The following SOBP variants were observed in gnomAD, a reference collection of about 807,000 sequenced individuals.
SOBP encodes sine oculis-binding protein homolog.
SOBP carries 4 observed loss-of-function variants against 53.6 expected under a neutral mutation model. That is an observed-to-expected ratio of 0.07 (90% CI 0.04 to 0.17). The LOEUF (loss-of-function observed/expected upper bound fraction) is 0.17. Among genes scored for constraint, SOBP ranks in the 10% least tolerant of loss-of-function variants. The pLI is 1.00. For synonymous variants in SOBP, 584 were observed against 522.6 expected (o/e 1.12, Z -1.60); for missense variants, 1,088 against 1,204.7 (o/e 0.90, Z 1.43).
intron 5 of SOBP, among the ~76,000 whole-genome samples, chr6:107,630,663 A>G (rs1438489347): frequency 6.6e-6 from 1 of 152,150 alleles, no homozygotes; most frequent in Non-Finnish European, 1.5e-5. Flanking sequence ...TTGCTTCACC[A>G]GAAAGATTGC....
At chr6:107,507,448 G>A (rs1354852277) in intron 3 of SOBP, among the ~76,000 whole-genome samples, 1 of 151,920 alleles carries the variant, frequency 6.6e-6, no homozygotes, top group Non-Finnish European at 1.5e-5. Context: ...TGGGATTACA[G>A]CTGCTCACCA....
intron 4 of SOBP, among the ~76,000 whole-genome samples, chr6:107,536,646 A>G (rs770083735): frequency 5.9e-5 from 9 of 152,152 alleles, no homozygotes; most frequent in South Asian, 2.1e-4. Flanking sequence ...TAACCTATAT[A>G]GTATATAGGT....
chr6:107,587,942 CATTT>C (rs1358450882), intron 5 of SOBP, among the ~76,000 whole-genome samples: 9 of 152,094 alleles, frequency 5.9e-5, no homozygotes, highest in Non-Finnish European at 1.2e-4. Context: ...AATGAATTGT[CATTT>C]ATTTAGAGAT....
chr6:107,534,155 A>G (rs1783923621), intron 4 of SOBP, among the ~76,000 whole-genome samples: 1 of 152,200 alleles, frequency 6.6e-6, no homozygotes, highest in African/African-American at 2.4e-5. Context: ...AATACGTGAA[A>G]CAACATTGCT....
chr6:107,519,537 G>A (rs943473369), intron 3 of SOBP, among the ~76,000 whole-genome samples: 1 of 152,056 alleles, frequency 6.6e-6, no homozygotes, highest in African/African-American at 2.4e-5. Context: ...TACGTCTCTC[G>A]CTTCCTGCTC....
At chr6:107,527,642 T>C (rs149301548) in intron 3 of SOBP, among the ~76,000 whole-genome samples, 4 of 152,230 alleles carry the variant, frequency 2.6e-5, no homozygotes, top group Non-Finnish European at 5.9e-5. Flanking sequence ...TGACCAGTCC[T>C]TGATCGACTT....
chr6:107,615,118 C>T (rs1027816116), intron 5 of SOBP, among the ~76,000 whole-genome samples: 1 of 152,176 alleles, frequency 6.6e-6, no homozygotes, highest in Non-Finnish European at 1.5e-5. Flanking sequence ...GAGCCTGCGG[C>T]ACCCATGGGG....
At chr6:107,609,776 C>G (rs1018255009) in intron 5 of SOBP, among the ~76,000 whole-genome samples, 2 of 152,028 alleles carry the variant, frequency 1.3e-5, no homozygotes, top group African/African-American at 4.8e-5. Flanking sequence ...CTACTCCCAC[C>G]AGACCATCAC....
At chr6:107,654,466 C>T (rs1771932203) in intron 6 of SOBP, among the ~76,000 whole-genome samples, 1 of 152,144 alleles carries the variant, frequency 6.6e-6, no homozygotes, top group Non-Finnish European at 1.5e-5. Context: ...TTTGTGTGTA[C>T]TGAGAGAAGG....
At chr6:107,629,755 C>T (rs537951840) in intron 5 of SOBP, among the ~76,000 whole-genome samples, 53 of 152,296 alleles carry the variant, frequency 3.5e-4, no homozygotes, top group African/African-American at 1.2e-3. Context: ...GGCCACTGAG[C>T]TTATAAGTAC....
chr6:107,535,309 C>T (rs1783961498), intron 4 of SOBP, among the ~76,000 whole-genome samples: 1 of 152,140 alleles, frequency 6.6e-6, no homozygotes. Flanking sequence ...TGAATTTAAA[C>T]TTTCATAGGG....
chr6:107,535,140 A>G (rs976016377), intron 4 of SOBP, among the ~76,000 whole-genome samples: 3 of 152,182 alleles, frequency 2.0e-5, no homozygotes, highest in African/African-American at 7.2e-5. Flanking sequence ...ATCAAGCAAG[A>G]TGGATTTGTC....
chr6:107,532,264 CA>C (rs1281109314), intron 3 of SOBP, among the ~76,000 whole-genome samples: 4 of 150,702 alleles, frequency 2.7e-5, no homozygotes, highest in African/African-American at 7.4e-5. Context: ...CACACACACA[CA>C]CACACACCAC....
intron 4 of SOBP, among the ~76,000 whole-genome samples, chr6:107,536,502 A>G (rs1784002114): frequency 6.6e-6 from 1 of 152,106 alleles, no homozygotes; most frequent in African/African-American, 2.4e-5. Context: ...TGGGCTCTTG[A>G]AATTTCTTTT....
intron 3 of SOBP, among the ~76,000 whole-genome samples, chr6:107,518,599 A>G (rs929830936): frequency 3.9e-5 from 6 of 152,208 alleles, no homozygotes; most frequent in Non-Finnish European, 8.8e-5. Context: ...TTTATTCATA[A>G]TAGCTAAAAA....
chr6:107,524,480 T>C (rs1321550), intron 3 of SOBP, among the ~76,000 whole-genome samples: 23,885 of 152,230 alleles, frequency 0.16, 2,864 homozygotes, highest in African/African-American at 0.31. Flanking sequence ...ATGAGCTATT[T>C]GGTCTGTATT....
intron 4 of SOBP, among the ~76,000 whole-genome samples, chr6:107,547,031 C>T (rs550554940): frequency 5.6e-4 from 85 of 152,174 alleles, no homozygotes; most frequent in Non-Finnish European, 1.1e-3. Context: ...CTTGGTAATA[C>T]TGATGGCTTA....
chr6:107,551,959 T>A (rs1177263929), intron 4 of SOBP, among the ~76,000 whole-genome samples: 2 of 152,152 alleles, frequency 1.3e-5, no homozygotes, highest in African/African-American at 4.8e-5. Flanking sequence ...AGGTGGAGGT[T>A]TCAGTGAGCT....
intron 3 of SOBP, among the ~76,000 whole-genome samples, chr6:107,513,388 A>T (rs371927008): frequency 2.3e-4 from 35 of 152,198 alleles, no homozygotes; most frequent in East Asian, 9.6e-4. Context: ...CAGTCACGTG[A>T]TCTGCTAACC....
Sources: gnomAD v4.1 joint callset for allele counts (sites outside exome capture counted in the v4.1 genomes callset) on GRCh38, gnomAD v4.1.1 for gene constraint, MANE v1.5 for transcripts, NCBI Gene and HGNC (gene_info 2026-07-23, HGNC 2026-07-21) for gene names.